ZNF273: variants seen among roughly 807,000 people sequenced by gnomAD.
ZNF273 encodes the protein zinc finger protein 273.
A neutral mutation model predicts 14.9 loss-of-function variants in ZNF273; 11 were observed. The ratio of observed to expected loss-of-function variants is 0.74; its 90% confidence interval spans 0.46 to 1.22. ZNF273 has a LOEUF of 1.22. Ranked by LOEUF, ZNF273 falls within the 50% of genes most tolerant of loss-of-function variation. The pLI, the probability that ZNF273 is intolerant of heterozygous loss-of-function variation, is 0.00. For missense variants in ZNF273, 577 were observed against 660.6 expected (o/e 0.87, Z 1.39); for synonymous variants, 199 against 223.9 (o/e 0.89, Z 0.99).
chr7:64,902,691 CAG>C (rs1392760146), upstream of ZNF273, among the ~76,000 whole-genome samples: 3 of 151,212 alleles, frequency 2.0e-5, no homozygotes, highest in Non-Finnish European at 4.4e-5. Flanking sequence ...GCCTGGAAGA[CAG>C]AGCGAGACTC....
intron 1 of ZNF273, among the ~76,000 whole-genome samples, chr7:64,913,759 C>T (rs1421988157): frequency 6.6e-6 from 1 of 152,128 alleles, no homozygotes; most frequent in East Asian, 1.9e-4. Context: ...ATTCATGGAC[C>T]CTTTGCAAAC....
chr7:64,929,076 C>CA lies in ZNF273; in HGVS notation c.*39dup. 8.7e-7 allele frequency: 1 copy of CA among 1,151,132 alleles called. No homozygotes were observed. The highest frequency in any genetic ancestry group is 1.1e-6 in the Non-Finnish European group (1 of 931,818). The allele number at this position is 1,151,132 out of a possible 1,614,324, so 71.3% of individuals were successfully genotyped here. ...TGTGACAAAGCCTTTAAGCGGTTGTCACACTTGATTGTATATAAGATAATT... is the reference window on the plus strand; with the variant it reads ...TGTGACAAAGCCTTTAAGCGGTTGTCAACACTTGATTGTATATAAGATAATT... On this transcript the variant is annotated 3_prime_UTR_variant, in exon 4 of 4. Coordinates refer to ENST00000476120, the MANE Select transcript of ZNF273 (RefSeq NM_021148.3).
rs768826219 is a variant in ZNF273 at position 64,928,148 on chromosome 7, T to C, written c.820T>C (p.Ser274Pro). ...AGAATGTGGCAAAGCCTTTAACCAGTCCTTAACTCTTACTAAACATAAAAA... is the reference window on the plus strand; with the variant it reads ...AGAATGTGGCAAAGCCTTTAACCAGCCCTTAACTCTTACTAAACATAAAAA... ...CEECGKAFNQ[S>P]LTLTKHKKIH... Residue 274 changes from serine (S) to proline (P), a missense_variant, in exon 4 of 4, where the codon TCC becomes CCC. This residue lies in a region of ZNF273 where 411 missense variants were observed against 440.4 expected (regional missense o/e 0.93). Coordinates refer to ENST00000476120, the MANE Select transcript of ZNF273 (RefSeq NM_021148.3). The C allele has an allele frequency of 1.2e-6, 2 of 1,613,240 alleles. No homozygotes were observed. The highest frequency in any genetic ancestry group is 1.7e-6 in the Non-Finnish European group (2 of 1,179,754).
At chr7:64,879,255 G>A (rs1435253766) in intron 2 of ZNF273, among the ~76,000 whole-genome samples, 2 of 152,148 alleles carry the variant, frequency 1.3e-5, no homozygotes, top group African/African-American at 2.4e-5. Flanking sequence ...CCAGATTGTG[G>A]GTAGTGATCT....
At chr7:64,880,608 C>G (rs896107251), downstream of ZNF273, among the ~76,000 whole-genome samples, 4 of 151,994 alleles carry the variant, frequency 2.6e-5, no homozygotes, top group Non-Finnish European at 5.9e-5. Context: ...CTTCTGGAAG[C>G]CTCTCTGTGC....
chr7:64,915,950 C>CT (rs1190417516), intron 1 of ZNF273, among the ~76,000 whole-genome samples: 1 of 152,124 alleles, frequency 6.6e-6, no homozygotes, highest in African/African-American at 2.4e-5. Context: ...AATCCCAGCA[C>CT]TTTGGGAGGT....
upstream of ZNF273, among the ~76,000 whole-genome samples, chr7:64,901,218 G>A (rs926971334): frequency 1.3e-4 from 20 of 152,102 alleles, no homozygotes; most frequent in African/African-American, 4.3e-4. Flanking sequence ...GGCCAGGCTG[G>A]TCTCGAACTC....
At chr7:64,880,923 A>G (rs1791232315), downstream of ZNF273, among the ~76,000 whole-genome samples, 2 of 152,008 alleles carry the variant, frequency 1.3e-5, no homozygotes, top group South Asian at 2.1e-4. Flanking sequence ...GCACTCCTCC[A>G]TCGTCTCGGG....
At chr7:64,913,367 T>C (rs7784682) in intron 1 of ZNF273, among the ~76,000 whole-genome samples, 147,493 of 152,354 alleles carry the variant, frequency 0.97, 71,587 homozygotes, top group East Asian at 1. Flanking sequence ...AATTATTGAA[T>C]GTTTGGTACT....
downstream of ZNF273, among the ~76,000 whole-genome samples, chr7:64,890,953 T>C (rs184385924): frequency 3.3e-5 from 5 of 152,332 alleles, no homozygotes; most frequent in Admixed American, 2.6e-4. Context: ...AGGGTAGATA[T>C]GAAAACCTGG....
At chr7:64,920,896 CAT>C (rs1247354919) in intron 3 of ZNF273, among the ~76,000 whole-genome samples, 1 of 136,624 alleles carries the variant, frequency 7.3e-6, no homozygotes, top group Non-Finnish European at 1.6e-5. Context: ...CTGATTCTCT[CAT>C]AGAGGCATTT....
chr7:64,912,122 C>T (rs1247582420), intron 1 of ZNF273, among the ~76,000 whole-genome samples: 1 of 152,184 alleles, frequency 6.6e-6, no homozygotes, highest in Non-Finnish European at 1.5e-5. Context: ...CCATACTCAG[C>T]TAATTTTTCT....
intron 1 of ZNF273, among the ~76,000 whole-genome samples, chr7:64,906,857 CA>C (rs1173639987): frequency 6.6e-6 from 1 of 151,598 alleles, no homozygotes; most frequent in Non-Finnish European, 1.5e-5. Context: ...ATTTGAATTC[CA>C]AAAGAGTGTT....
chr7:64,901,813 G>A (rs1966140), upstream of ZNF273, among the ~76,000 whole-genome samples: 69,599 of 151,636 alleles, frequency 0.46, 16,150 homozygotes, highest in Admixed American at 0.51. Flanking sequence ...AGCCGGGCAC[G>A]ATGGCACATG....
At chr7:64,883,407 G>A (rs936202221), downstream of ZNF273, among the ~76,000 whole-genome samples, 2 of 152,136 alleles carry the variant, frequency 1.3e-5, no homozygotes, top group African/African-American at 4.8e-5. Flanking sequence ...CGTGAGGCGG[G>A]CACTCCTCCA....
At chr7:64,919,055 T>G (rs1794238938) in intron 3 of ZNF273, among the ~76,000 whole-genome samples, 1 of 152,208 alleles carries the variant, frequency 6.6e-6, no homozygotes, top group African/African-American at 2.4e-5. Context: ...TAATCCTGTT[T>G]TTGTTACTAT....
chr7:64,929,101 T>A lies in ZNF273; in HGVS notation c.*63T>A, dbSNP rs1794911380. The A allele has an allele frequency of 6.1e-6, 2 of 329,150 alleles. No homozygotes were observed. Among genetic ancestry groups the A allele is most frequent in the Non-Finnish European group, 8.6e-6 (2 of 233,712 alleles). The allele number at this position is 329,150 out of a possible 1,614,324, so 20.4% of individuals were successfully genotyped here. ...CACACTTGATTGTATATAAGATAAT[T>A]CATACTGGAGAAAACTCCCAGAAGT... On this transcript the variant is annotated 3_prime_UTR_variant, in exon 4 of 4. Coordinates refer to ENST00000476120, the MANE Select transcript of ZNF273 (RefSeq NM_021148.3).
At chr7:64,887,548 A>T (rs1791666796) in intron 1 of ZNF273, among the ~76,000 whole-genome samples, 1 of 152,068 alleles carries the variant, frequency 6.6e-6, no homozygotes, top group Non-Finnish European at 1.5e-5. Flanking sequence ...CACAGGCTGG[A>T]GTGCAGTGGT....
At chr7:64,919,254 T>A (rs1012746034) in intron 3 of ZNF273, among the ~76,000 whole-genome samples, 2 of 152,216 alleles carry the variant, frequency 1.3e-5, no homozygotes, top group African/African-American at 4.8e-5. Context: ...TAGGTCACTT[T>A]GGATAAATGG....
Sources: gnomAD v4.1 joint callset for allele counts (sites outside exome capture counted in the v4.1 genomes callset) on GRCh38, gnomAD v4.1.1 for gene constraint, gnomAD v4.1.1 regional missense constraint, MANE v1.5 for transcripts, NCBI Gene and HGNC (gene_info 2026-07-23, HGNC 2026-07-21) for gene names.